EOGT: variants seen among roughly 807,000 people sequenced by gnomAD.
EOGT encodes the protein EGF domain specific O-linked N-acetylglucosamine transferase.
In EOGT, 55 loss-of-function variants were observed where a neutral mutation model predicts 70.5. The observed-to-expected ratio is 0.78, with a 90% CI of 0.63 to 0.98. EOGT has a LOEUF of 0.98. Ranked by LOEUF, EOGT falls within the 50% of genes least tolerant of loss-of-function variation. The probability of loss-of-function intolerance (pLI) is 0.00; values close to 1 mark genes in which losing one functional copy is unlikely to be tolerated. For missense variants in EOGT, 703 were observed against 641.9 expected (o/e 1.10, Z -1.03); for synonymous variants, 246 against 217.1 (o/e 1.13, Z -1.17).
At chr3:68,985,243 G>A (rs2090772242) in intron 14 of EOGT, among the ~76,000 whole-genome samples, 1 of 151,982 alleles carries the variant, frequency 6.6e-6, no homozygotes, top group Admixed American at 6.6e-5. Context: ...CGTATTTCTA[G>A]GTCTTTAAAC....
chr3:68,980,657 C>A (rs992048584), intron 15 of EOGT, among the ~76,000 whole-genome samples: 13 of 152,242 alleles, frequency 8.5e-5, no homozygotes, highest in Admixed American at 7.8e-4. Context: ...CAGCTAACAA[C>A]AAAAACTCCG....
At chr3:68,990,514 G>A (rs903749524) in intron 10 of EOGT, among the ~76,000 whole-genome samples, 4 of 151,914 alleles carry the variant, frequency 2.6e-5, no homozygotes, top group East Asian at 3.9e-4. Flanking sequence ...CACCACACCC[G>A]GCTAATTTTT....
At chr3:69,002,262 C>G (rs535024313) in intron 8 of EOGT, among the ~76,000 whole-genome samples, 11 of 152,326 alleles carry the variant, frequency 7.2e-5, no homozygotes, top group Admixed American at 3.9e-4. Context: ...AAGCTGCTCC[C>G]AAACCCTGAC....
In EOGT at chr3:68,987,453, G is replaced by C. The variant is rs756878687; in HGVS notation, c.1144C>G (p.Gln382Glu). The change falls in exon 14 of 18, where the codon CAA (glutamine) becomes GAA (glutamate). Residue 382 changes from glutamine (Q) to glutamate (E), a missense_variant. Coordinates refer to ENST00000383701, the MANE Select transcript of EOGT (RefSeq NM_001278689.2). ...RSTEYRKILNQNELVNALKTV... is the reference protein window; with the variant it reads ...RSTEYRKILNENELVNALKTV... ...GCATACCAAAAACTAACCTCATTTT[G>C]GTTAAGGATTTTCCGGTATTCTGTG... 6 of 1,611,994 alleles carry C rather than the reference G, an allele frequency of 3.7e-6. No individual in the cohort carries two copies. The highest frequency in any genetic ancestry group is 5.1e-6 in the Non-Finnish European group (6 of 1,178,846).
intron 7 of EOGT, 105 bp from the exon 8 acceptor site, chr3:69,004,587 A>T (rs2091390929): frequency 1.1e-5 from 8 of 712,036 alleles, no homozygotes; most frequent in South Asian, 1.7e-5. Context: ...TGAATTTTTT[A>T]AAAGAATTTA....
chr3:69,008,196 T>C (rs552944816), intron 5 of EOGT, among the ~76,000 whole-genome samples: 24 of 152,272 alleles, frequency 1.6e-4, no homozygotes, highest in Admixed American at 3.3e-4. Flanking sequence ...TACTATACAC[T>C]GGGGGAAAAA....
At chr3:69,010,620 T>C (rs1043302589) in intron 3 of EOGT, among the ~76,000 whole-genome samples, 1 of 152,220 alleles carries the variant, frequency 6.6e-6, no homozygotes, top group Non-Finnish European at 1.5e-5. Context: ...GAGTTAGTTA[T>C]TGGTAAAGTG....
chr3:69,009,514 T>C (rs2091516770), intron 4 of EOGT, 123 bp downstream of exon 4: 2 of 673,100 alleles, frequency 3.0e-6, no homozygotes, highest in Non-Finnish European at 2.5e-6. Context: ...AAACAATGAT[T>C]AACTTATACA....
intron 15 of EOGT, among the ~76,000 whole-genome samples, chr3:68,979,995 C>T (rs1465356892): frequency 6.6e-6 from 1 of 152,184 alleles, no homozygotes; most frequent in Non-Finnish European, 1.5e-5. Context: ...TCTAAGTAAG[C>T]TCACCTATCC....
At chr3:69,010,311 G>A (rs1444694736) in intron 3 of EOGT, among the ~76,000 whole-genome samples, 2 of 152,122 alleles carry the variant, frequency 1.3e-5, no homozygotes, top group Non-Finnish European at 2.9e-5. Context: ...AAGTAGCCAT[G>A]GTCTATTATA....
Position 68,983,664 on chromosome 3 carries a change from C to T in EOGT, c.1153-792G>A, listed in dbSNP as rs779206691. ...CGTTAGGTTTACTTCACTTAATCCTCGTAAGAATCACACCAGTGGCTGGGC... is the reference window on the plus strand; with the variant it reads ...CGTTAGGTTTACTTCACTTAATCCTTGTAAGAATCACACCAGTGGCTGGGC... On this transcript the variant is annotated intron_variant, in intron 14 of 17. Transcript: ENST00000383701. 1.4e-4 allele frequency among the ~76,000 whole-genome samples: 21 copies of T among 152,158 alleles called. 1 individual carries two copies. Among genetic ancestry groups the T allele is most frequent in the Admixed American group, 6.6e-5 (1 of 15,260 alleles).
At chr3:68,988,691 T>C in intron 11 of EOGT, 114 bp from the exon 12 acceptor site, 2 of 687,688 alleles carry the variant, frequency 2.9e-6, no homozygotes, top group South Asian at 4.1e-5. Flanking sequence ...ATTGCTTGAA[T>C]AGCACACTAT....
rs1226757988 is a variant in EOGT, at chr3:68,989,368, C to A, written c.832-351G>T. Among the ~76,000 whole-genome samples, 3 of 152,132 alleles carry A rather than the reference C, an allele frequency of 2.0e-5. No individual in the cohort carries two copies. In the East Asian group the frequency reaches 5.8e-4, roughly 29 times the overall value. On this transcript the variant is annotated intron_variant, in intron 10 of 17. Coordinates refer to ENST00000383701, the MANE Select transcript of EOGT (RefSeq NM_001278689.2). The stretch of plus-strand genomic sequence containing the variant: ...AACACACACTATGCCACCGTTTACA[C>A]ACACTCTTATGCTCAGTGTGCAAAA...
Position 68,979,651 on chromosome 3 carries a change from T to C in EOGT, c.1334+17A>G, listed in dbSNP as rs973626538. 1.9e-6 allele frequency: 3 copies of C among 1,612,100 alleles called. No homozygotes were observed. The highest frequency in any genetic ancestry group is 2.5e-6 in the Non-Finnish European group (3 of 1,179,222). ...ATTATCAGTTGCTTCAGTGTAAAAC[T>C]GCCTCCCAACACTTACAGTTCAAAT... is the stretch of plus-strand genomic sequence containing the variant. On this transcript the variant is annotated intron_variant, in intron 16 of 17. Transcript: ENST00000383701.
chr3:68,994,841 A>G (rs751930041), intron 10 of EOGT, among the ~76,000 whole-genome samples: 1 of 152,192 alleles, frequency 6.6e-6, no homozygotes, highest in Non-Finnish European at 1.5e-5. Context: ...TCTCAGCACA[A>G]GCAAATGTGG....
intron 14 of EOGT, 150 bp downstream of exon 14, chr3:68,987,295 A>G (rs996911002): frequency 1.5e-6 from 1 of 665,550 alleles, no homozygotes; most frequent in Admixed American, 2.8e-5. Flanking sequence ...AGAAATTCAA[A>G]TCTAATAAAT....
At chr3:69,008,060 T>G (rs1406328662) in intron 5 of EOGT, among the ~76,000 whole-genome samples, 1 of 152,248 alleles carries the variant, frequency 6.6e-6, no homozygotes, top group African/African-American at 2.4e-5. Flanking sequence ...CACCTGAAAC[T>G]GAAGCCAATG....
Position 68,977,833 on chromosome 3 carries a change from TTA to T in EOGT, c.1438-71_1438-70del, listed in dbSNP as rs1190208411. ...CATGGTTTTCTCTACAGCAGGAAAA[TTA>T]TGTTACTTTGGTTAAGGCAACTAAT... is the stretch of plus-strand genomic sequence containing the variant. On this transcript the variant is annotated intron_variant, in intron 17 of 17. Coordinates refer to ENST00000383701, the MANE Select transcript of EOGT (RefSeq NM_001278689.2). 9.4e-6 allele frequency: 14 copies of T among 1,486,786 alleles called. No homozygotes were observed. The Admixed American group carries it at 2.7e-4, about 29-fold the overall frequency. 92.1% of individuals were successfully genotyped at this position (1,486,786 alleles called of 1,614,324 possible).
At chr3:69,000,058 A>G (rs193260432) in intron 9 of EOGT, among the ~76,000 whole-genome samples, 2 of 152,170 alleles carry the variant, frequency 1.3e-5, no homozygotes, top group East Asian at 1.9e-4. Flanking sequence ...CCATCTCTAC[A>G]AAACATATGT....
Sources: allele counts gnomAD v4.1 joint callset (sites outside exome capture counted in the v4.1 genomes callset), GRCh38; gene constraint gnomAD v4.1.1; transcripts MANE v1.5; gene names NCBI Gene and HGNC (gene_info 2026-07-23, HGNC 2026-07-21).